LRRC4C: variants seen among roughly 807,000 people sequenced by gnomAD.
LRRC4C encodes leucine rich repeat containing 4C.
In LRRC4C, 5 loss-of-function variants were observed where a neutral mutation model predicts 33.6. The observed-to-expected ratio is 0.15, with a 90% CI of 0.08 to 0.31. The LOEUF is 0.31. LRRC4C is among the 10% of genes least tolerant of loss of function. The pLI, the probability that LRRC4C is intolerant of heterozygous loss-of-function variation, is 1.00. For synonymous variants in LRRC4C, 329 were observed against 302.0 expected (o/e 1.09, Z -0.93); for missense variants, 560 against 796.7 (o/e 0.70, Z 3.58).
intron 4 of LRRC4C, among the ~76,000 whole-genome samples, chr11:40,251,600 CA>C (rs1866790752): frequency 6.6e-6 from 1 of 152,140 alleles, no homozygotes; most frequent in South Asian, 2.1e-4. Context: ...ATTCAAAGGT[CA>C]GGGGGCCTGC....
chr11:40,186,445 T>A (rs1367182097), intron 5 of LRRC4C, among the ~76,000 whole-genome samples: 1 of 152,120 alleles, frequency 6.6e-6, no homozygotes, highest in East Asian at 1.9e-4. Flanking sequence ...CCTCTCTCCT[T>A]CCCAGACCAA....
chr11:41,035,308 C>G (rs1222323036), intron 1 of LRRC4C, among the ~76,000 whole-genome samples: 2 of 152,032 alleles, frequency 1.3e-5, no homozygotes, highest in African/African-American at 2.4e-5. Flanking sequence ...TGCTGCACCT[C>G]TCAACCCATC....
At chr11:41,083,187 C>A (rs181221233) in intron 1 of LRRC4C, among the ~76,000 whole-genome samples, 24 of 151,982 alleles carry the variant, frequency 1.6e-4, no homozygotes, top group African/African-American at 5.5e-4. Flanking sequence ...AAAATATGAC[C>A]ATGAATTTTG....
chr11:41,317,857 G>A (rs1188346781), intron 1 of LRRC4C, among the ~76,000 whole-genome samples: 1 of 151,980 alleles, frequency 6.6e-6, no homozygotes, highest in Admixed American at 6.6e-5. Flanking sequence ...TTTTGAAATG[G>A]TAAGTCAATT....
chr11:40,941,727 T>G (rs1449612875), intron 1 of LRRC4C, among the ~76,000 whole-genome samples: 1 of 152,176 alleles, frequency 6.6e-6, no homozygotes, highest in Non-Finnish European at 1.5e-5. Context: ...AGCACTTATT[T>G]ATACAAATAT....
intron 2 of LRRC4C, among the ~76,000 whole-genome samples, chr11:40,879,225 G>A (rs773309634): frequency 6.6e-6 from 1 of 152,144 alleles, no homozygotes; most frequent in South Asian, 2.1e-4. Context: ...AATATTAAAG[G>A]TTTAAAATCT....
intron 1 of LRRC4C, among the ~76,000 whole-genome samples, chr11:41,059,835 A>T (rs111247205): frequency 1.7e-4 from 26 of 152,186 alleles, no homozygotes; most frequent in African/African-American, 6.3e-4. Context: ...GACCATGCTG[A>T]CCAACATGGT....
At position 41,137,406 on chromosome 11, in the gene LRRC4C, G is replaced by A. The variant is rs370628860; in HGVS notation, c.-495-203683C>T. ...GAGATTAATATGACACTATTATTAT[G>A]TATTTTGGGGAAATGGTAATATTTT... is the stretch of plus-strand genomic sequence containing the variant. On this transcript the variant is annotated intron_variant, in intron 1 of 6. Transcript: ENST00000528697. Among the ~76,000 whole-genome samples, 25 of 152,264 alleles carry A rather than the reference G, an allele frequency of 1.6e-4. 1 individual carries two copies. In the East Asian group the frequency reaches 3.7e-3, roughly 22 times the overall value.
At chr11:40,154,867 T>G (rs1858549648) in intron 5 of LRRC4C, among the ~76,000 whole-genome samples, 1 of 152,120 alleles carries the variant, frequency 6.6e-6, no homozygotes. Context: ...TAAACGAATA[T>G]ACAGAATATT....
At chr11:41,448,953 A>G (rs1001251533) in intron 1 of LRRC4C, among the ~76,000 whole-genome samples, 1 of 152,248 alleles carries the variant, frequency 6.6e-6, no homozygotes, top group African/African-American at 2.4e-5. Flanking sequence ...TGTACTTTTT[A>G]AAAGATACTT....
intron 2 of LRRC4C, among the ~76,000 whole-genome samples, chr11:40,713,847 G>C (rs1161041510): frequency 1.3e-5 from 2 of 152,190 alleles, no homozygotes; most frequent in Non-Finnish European, 1.5e-5. Context: ...CTCCAAGATT[G>C]CTCTCAGTGA....
intron 1 of LRRC4C, among the ~76,000 whole-genome samples, chr11:41,057,928 A>G (rs1003594949): frequency 6.6e-6 from 1 of 152,178 alleles, no homozygotes; most frequent in Admixed American, 6.5e-5. Flanking sequence ...CCCTGGGAAC[A>G]GAAAGGAGCT....
chr11:40,605,532 T>G (rs1434255431), intron 3 of LRRC4C, among the ~76,000 whole-genome samples: 7 of 152,176 alleles, frequency 4.6e-5, no homozygotes, highest in Non-Finnish European at 8.8e-5. Flanking sequence ...TTTATTGCAC[T>G]TGTTCACCAC....
At chr11:40,962,393 C>T (rs549235995) in intron 1 of LRRC4C, among the ~76,000 whole-genome samples, 1 of 151,804 alleles carries the variant, frequency 6.6e-6, no homozygotes, top group African/African-American at 2.4e-5. Context: ...CTTGAAGCCA[C>T]TACATTTGTG....
intron 4 of LRRC4C, among the ~76,000 whole-genome samples, chr11:40,301,707 T>C (rs1469235481): frequency 1.3e-5 from 2 of 152,214 alleles, no homozygotes; most frequent in African/African-American, 4.8e-5. Flanking sequence ...TTTCAGAAGA[T>C]GAAGGCATAG....
intron 1 of LRRC4C, among the ~76,000 whole-genome samples, chr11:41,014,905 C>A (rs2137583346): frequency 6.6e-6 from 1 of 152,246 alleles, no homozygotes; most frequent in African/African-American, 2.4e-5. Context: ...ACGTAACTAG[C>A]ACAAGGGCAG....
intron 1 of LRRC4C, among the ~76,000 whole-genome samples, chr11:41,297,422 TC>T (rs1479966653): frequency 6.6e-6 from 1 of 152,214 alleles, no homozygotes; most frequent in Non-Finnish European, 1.5e-5. Context: ...AAGTATTCTC[TC>T]CAGCTCTATT....
chr11:40,593,376 C>T (rs960988212), intron 3 of LRRC4C, among the ~76,000 whole-genome samples: 2 of 152,172 alleles, frequency 1.3e-5, no homozygotes, highest in Non-Finnish European at 2.9e-5. Flanking sequence ...TCCCTGTACA[C>T]ATACACATGT....
intron 1 of LRRC4C, among the ~76,000 whole-genome samples, chr11:41,384,311 T>C (rs926759229): frequency 6.6e-6 from 1 of 151,964 alleles, no homozygotes; most frequent in African/African-American, 2.4e-5. Context: ...TTTTATTTAG[T>C]TGTATTTTTA....
Sources: gnomAD v4.1 joint callset for allele counts (sites outside exome capture counted in the v4.1 genomes callset) on GRCh38, gnomAD v4.1.1 for gene constraint, MANE v1.5 for transcripts, NCBI Gene and HGNC (gene_info 2026-07-23, HGNC 2026-07-21) for gene names.